Variants in LRRC59 observed in about 807,000 individuals in gnomAD.
The protein encoded by LRRC59 is leucine-rich repeat-containing protein 59.
A neutral mutation model predicts 33.5 loss-of-function variants in LRRC59; 18 were observed. The observed-to-expected ratio is 0.54, with a 90% CI of 0.37 to 0.80. The LOEUF is 0.80. Ranked by LOEUF, LRRC59 falls within the 30% of genes least tolerant of loss-of-function variation. The probability of loss-of-function intolerance (pLI) is 0.00; values close to 1 mark genes in which losing one functional copy is unlikely to be tolerated. For missense variants in LRRC59, 330 were observed against 391.9 expected, an observed-to-expected ratio of 0.84 and a Z score of 1.33; for synonymous variants, 138 against 160.0, an observed-to-expected ratio of 0.86 and a Z score of 1.04.
rs1482341256 is a variant in LRRC59, at chr17:50,397,489, G to C, written c.-172C>G. The stretch of plus-strand genomic sequence containing the variant: ...GGCCGCACTCCGAGCCTCGCGCCTA[G>C]CTCCCACCGGTGCCGCGACGACGAC... On this transcript the variant is annotated 5_prime_UTR_variant, in exon 1 of 7. Transcript: ENST00000225972. The C allele has an allele frequency of 2.0e-6, 1 of 511,838 alleles. No individual in the cohort carries two copies. Among genetic ancestry groups the C allele is most frequent in the Non-Finnish European group, 3.5e-6 (1 of 288,992 alleles). 31.7% of individuals were successfully genotyped at this position (511,838 alleles called of 1,614,324 possible).
In LRRC59 at chr17:50,392,728, T is replaced by C. The variant is rs372181903; in HGVS notation, c.324+11A>G. On this transcript the variant is annotated intron_variant, in intron 3 of 6. Coordinates refer to ENST00000225972, the MANE Select transcript of LRRC59 (RefSeq NM_018509.4). Reference sequence around the variant, plus strand: ...ACCCTGGCCATGAAACACTGGTTCATGAATTGTTACCTTGAGCTGAGCAAA... The same window carrying C: ...ACCCTGGCCATGAAACACTGGTTCACGAATTGTTACCTTGAGCTGAGCAAA... 2 of 1,612,938 alleles carry C rather than the reference T, an allele frequency of 1.2e-6. No homozygotes were observed. The highest frequency in any genetic ancestry group is 1.1e-5 in the South Asian group (1 of 91,074).
At chr17:50,386,429 T>A (rs1914005341) in intron 5 of LRRC59, among the ~76,000 whole-genome samples, 1 of 152,238 alleles carries the variant, frequency 6.6e-6, no homozygotes, top group Non-Finnish European at 1.5e-5. Flanking sequence ...TGAAATACAT[T>A]TTGCCAAAGC....
chr17:50,394,774 C>T (rs1309506583), intron 2 of LRRC59, among the ~76,000 whole-genome samples, 155 bp downstream of exon 2: 1 of 152,160 alleles, frequency 6.6e-6, no homozygotes, highest in East Asian at 1.9e-4. Context: ...TTCCACTGTG[C>T]CTCCCCTACA....
At chr17:50,394,039 C>A (rs77636020) in intron 2 of LRRC59, among the ~76,000 whole-genome samples, 10 of 151,752 alleles carry the variant, frequency 6.6e-5, no homozygotes, top group African/African-American at 2.4e-4. Context: ...AGTGAGATCT[C>A]GATGCTTTTT....
intron 4 of LRRC59, among the ~76,000 whole-genome samples, chr17:50,391,904 C>G (rs1037427302): frequency 1.3e-5 from 2 of 152,186 alleles, no homozygotes; most frequent in African/African-American, 4.8e-5. Context: ...CTGCGACTTG[C>G]GAACTAAGTG....
intron 6 of LRRC59, among the ~76,000 whole-genome samples, chr17:50,383,997 G>C (rs960541657): frequency 6.7e-6 from 1 of 150,298 alleles, no homozygotes; most frequent in African/African-American, 2.4e-5. Flanking sequence ...GTCAAGACAA[G>C]GGTGAGTAGG....
At chr17:50,396,796 G>A (rs535467670) in intron 1 of LRRC59, 1 of 237,536 alleles carries the variant, frequency 4.2e-6, no homozygotes, top group Admixed American at 5.6e-5. Context: ...TCCTAGAAGA[G>A]CCAGGTTCTG....
intron 2 of LRRC59, among the ~76,000 whole-genome samples, chr17:50,394,481 T>G (rs1468316): frequency 6.6e-6 from 1 of 152,004 alleles, no homozygotes. Flanking sequence ...AGGTAGCCCA[T>G]AAAATCACCT....
Position 50,397,380 on chromosome 17 carries a change from C to T in LRRC59, c.-63G>A, listed in dbSNP as rs1850450164. The T allele has an allele frequency of 7.5e-7, 1 of 1,340,614 alleles. No homozygotes were observed. The highest frequency in any genetic ancestry group is 1.0e-6 in the Non-Finnish European group (1 of 966,662). 83.0% of individuals were successfully genotyped at this position (1,340,614 alleles called of 1,614,324 possible). On this transcript the variant is annotated 5_prime_UTR_variant, in exon 1 of 7. Coordinates refer to ENST00000225972, the MANE Select transcript of LRRC59 (RefSeq NM_018509.4). Reference sequence around the variant, plus strand: ...CGGCGGGTGAAAGGAGCTGAAATGTCGCTTGTCAGTTCAGCGGCCCCCCAC... The same window carrying T: ...CGGCGGGTGAAAGGAGCTGAAATGTTGCTTGTCAGTTCAGCGGCCCCCCAC...
At chr17:50,385,046 T>C in intron 6 of LRRC59, 72 bp downstream of exon 6, 5 of 1,530,396 alleles carry the variant, frequency 3.3e-6, no homozygotes, top group East Asian at 2.3e-5. Context: ...CTCACCCCAG[T>C]TGTCTATGCC....
At chr17:50,387,990 C>A in intron 5 of LRRC59, 70 bp downstream of exon 5, 2 of 1,491,038 alleles carry the variant, frequency 1.3e-6, no homozygotes, top group South Asian at 1.1e-5. Context: ...GATCCCAGCT[C>A]CTGAAGCATG....
chr17:50,383,629 T>C (rs1351863992), intron 6 of LRRC59, among the ~76,000 whole-genome samples: 2 of 152,090 alleles, frequency 1.3e-5, no homozygotes, highest in Non-Finnish European at 2.9e-5. Flanking sequence ...TATTATGATA[T>C]AATGTGTATA....
At chr17:50,393,073 T>A (rs1914187608) in intron 2 of LRRC59, among the ~76,000 whole-genome samples, 176 bp from the exon 3 acceptor site, 1 of 152,204 alleles carries the variant, frequency 6.6e-6, no homozygotes, top group South Asian at 2.1e-4. Context: ...CTTCTTCCAA[T>A]GTGGCCCAGG....
At chr17:50,385,606 TA>T (rs1913982940) in intron 5 of LRRC59, among the ~76,000 whole-genome samples, 1 of 152,184 alleles carries the variant, frequency 6.6e-6, no homozygotes, top group Non-Finnish European at 1.5e-5. Flanking sequence ...AATTAGGTAC[TA>T]ACTCAGAAGG....
Position 50,382,792 on chromosome 17 carries a change from ATT to A in LRRC59, c.*194_*195del. Reference sequence around the variant, plus strand: ...CCCCCACGCCCCCCCGCCACCTCCCATTTCTCCTCATTCCTTCAGGGAACCCT... The same window carrying A: ...CCCCCACGCCCCCCCGCCACCTCCCATCTCCTCATTCCTTCAGGGAACCCT... On this transcript the variant is annotated 3_prime_UTR_variant, in exon 7 of 7. Coordinates refer to ENST00000225972, the MANE Select transcript of LRRC59 (RefSeq NM_018509.4). 3.2e-6 allele frequency: 1 copy of A among 309,036 alleles called. No individual in the cohort carries two copies. Among genetic ancestry groups the A allele is most frequent in the Non-Finnish European group, 4.9e-6 (1 of 202,946 alleles). 19.1% of individuals were successfully genotyped at this position (309,036 alleles called of 1,614,324 possible).
intron 1 of LRRC59, chr17:50,396,903 A>G: frequency 5.1e-6 from 2 of 394,774 alleles, no homozygotes; most frequent in Non-Finnish European, 9.0e-6. Flanking sequence ...GCTCCTACTC[A>G]GAGTCGGGCA....
At chr17:50,386,452 A>C (rs1350783541) in intron 5 of LRRC59, among the ~76,000 whole-genome samples, 8 of 152,354 alleles carry the variant, frequency 5.3e-5, no homozygotes, top group Admixed American at 5.2e-4. Flanking sequence ...GAATGCCACA[A>C]ATGATGGTTA....
intron 3 of LRRC59, 21 bp downstream of exon 3, chr17:50,392,718 C>T: frequency 1.2e-6 from 2 of 1,610,800 alleles, no homozygotes; most frequent in Non-Finnish European, 1.7e-6. Flanking sequence ...GGCCATGAAA[C>T]ACTGGTTCAT....
chr17:50,396,841 C>A, intron 1 of LRRC59: 1 of 314,338 alleles, frequency 3.2e-6, no homozygotes, highest in Non-Finnish European at 5.8e-6. Context: ...GCCTACTCCC[C>A]TGGAACAAGT....
Sources: gnomAD v4.1 joint callset for allele counts (sites outside exome capture counted in the v4.1 genomes callset) on GRCh38, gnomAD v4.1.1 for gene constraint, MANE v1.5 for transcripts, NCBI Gene and HGNC (gene_info 2026-07-23, HGNC 2026-07-21) for gene names.